The following ZNF362 variants were observed in gnomAD, a reference collection of about 807,000 sequenced individuals.
ZNF362 encodes the protein zinc finger protein 362.
ZNF362 carries 11 observed loss-of-function variants against 42.9 expected under a neutral mutation model. The ratio of observed to expected loss-of-function variants is 0.26; its 90% CI spans 0.16 to 0.42. The LOEUF (loss-of-function observed/expected upper bound fraction) is 0.42. Ranked by LOEUF, ZNF362 falls within the 20% of genes least tolerant of loss-of-function variation. The pLI is 1.00. For missense variants in ZNF362, 362 were observed against 576.2 expected, an observed-to-expected ratio of 0.63 and a Z score of 3.81; for synonymous variants, 255 against 257.3, an observed-to-expected ratio of 0.99 and a Z score of 0.09.
At chr1:33,249,649 C>T in the ZNF362 span, among the ~76,000 whole-genome samples, 1 of 152,070 alleles carries the variant, frequency 6.6e-6, no homozygotes, top group Non-Finnish European at 1.5e-5. Context: ...GACAGAGCAT[C>T]TAGTTTGCGG....
chr1:33,243,073 A>C, the ZNF362 span, among the ~76,000 whole-genome samples: 240 of 152,136 alleles, frequency 1.6e-3, 1 homozygote, highest in Admixed American at 2.5e-3. Flanking sequence ...AAATAATTAT[A>C]TATGCTTTTA....
At chr1:33,241,460 A>G in the ZNF362 span, among the ~76,000 whole-genome samples, 4 of 151,694 alleles carry the variant, frequency 2.6e-5, no homozygotes, top group Non-Finnish European at 5.9e-5. Context: ...CATGCCATTT[A>G]ACTCCAGCCT....
chr1:33,270,737 G>A (rs572269851), intron 2 of ZNF362, 125 bp downstream of exon 2: 1 of 1,500,420 alleles, frequency 6.7e-7, no homozygotes, highest in African/African-American at 1.4e-5. Context: ...TCTGCCCTGG[G>A]GGAGGTGTGT....
the ZNF362 span, among the ~76,000 whole-genome samples, chr1:33,137,939 G>T: frequency 6.6e-6 from 1 of 152,214 alleles, no homozygotes; most frequent in African/African-American, 2.4e-5. Flanking sequence ...TGGCAGCAGA[G>T]CCGAGGAGCT....
chr1:33,172,638 A>G, the ZNF362 span, among the ~76,000 whole-genome samples: 1 of 152,144 alleles, frequency 6.6e-6, no homozygotes, highest in Non-Finnish European at 1.5e-5. Flanking sequence ...GCACACAGTT[A>G]TGCAAATATG....
chr1:33,296,155 ACT>A (rs1267285780), intron 8 of ZNF362, among the ~76,000 whole-genome samples: 1 of 151,998 alleles, frequency 6.6e-6, no homozygotes, highest in East Asian at 2.0e-4. Context: ...TAAAGCAGAG[ACT>A]CTCGGCCCTA....
chr1:33,270,455 T>G, intron 1 of ZNF362, 32 bp from the exon 2 acceptor site: 1 of 641,952 alleles, frequency 1.6e-6, no homozygotes, highest in Non-Finnish European at 2.9e-6. Flanking sequence ...ATTATTATTG[T>G]TATTATTGTT....
upstream of ZNF362, among the ~76,000 whole-genome samples, chr1:33,256,084 A>C (rs1300759147): frequency 2.0e-5 from 3 of 150,298 alleles, no homozygotes; most frequent in East Asian, 2.0e-4. Context: ...CGCGCGGCTC[A>C]GGCGGGCGGA....
the ZNF362 span, among the ~76,000 whole-genome samples, chr1:33,162,511 C>G: frequency 6.6e-6 from 1 of 152,212 alleles, no homozygotes; most frequent in South Asian, 2.1e-4. Flanking sequence ...TGACATCTCC[C>G]TCGGCTCTGC....
chr1:33,176,239 T>C, the ZNF362 span, among the ~76,000 whole-genome samples: 2 of 152,198 alleles, frequency 1.3e-5, no homozygotes, highest in Non-Finnish European at 2.9e-5. Flanking sequence ...TTCTCTCTCT[T>C]TATACAGAAA....
At chr1:33,284,692 T>C (rs1284212815) in intron 6 of ZNF362, among the ~76,000 whole-genome samples, 1 of 152,190 alleles carries the variant, frequency 6.6e-6, no homozygotes. Flanking sequence ...TTTATTCCAG[T>C]TTATTGAATA....
chr1:33,214,827 A>C, the ZNF362 span, among the ~76,000 whole-genome samples: 35 of 152,346 alleles, frequency 2.3e-4, no homozygotes, highest in African/African-American at 8.2e-4. Context: ...AATGGCTTTC[A>C]CTCAAAAGAC....
Position 33,275,999 on chromosome 1 carries a change from C to A in ZNF362, c.39-101C>A, listed in dbSNP as rs1307089284. ...CTGGGGGACCCACGGGGACATGGAT[C>A]CCAGACACTGGCCCTGACTTGAGTG... On this transcript the variant is annotated intron_variant, in intron 2 of 8. Transcript: ENST00000539719. 5.2e-6 allele frequency: 7 copies of A among 1,351,464 alleles called. No individual in the cohort carries two copies. In the Admixed American group the frequency reaches 1.2e-4, roughly 24 times the overall value. The allele number at this position is 1,351,464 out of a possible 1,614,324, so 83.7% of individuals were successfully genotyped here. A position where few individuals can be genotyped will look rare whatever the true frequency, so the allele number is the denominator to read the frequency against.
chr1:33,228,676 T>C, the ZNF362 span, among the ~76,000 whole-genome samples: 1 of 152,092 alleles, frequency 6.6e-6, no homozygotes, highest in Non-Finnish European at 1.5e-5. Context: ...ATCCAATCAC[T>C]CCTCAGTGTG....
At chr1:33,209,283 G>T in the ZNF362 span, among the ~76,000 whole-genome samples, 6 of 152,282 alleles carry the variant, frequency 3.9e-5, no homozygotes, top group African/African-American at 1.4e-4. Context: ...CTTGATCGTG[G>T]TGGATAAGCT....
At chr1:33,186,011 TAAAG>T in the ZNF362 span, among the ~76,000 whole-genome samples, 149 of 152,190 alleles carry the variant, frequency 9.8e-4, no homozygotes, top group African/African-American at 2.6e-3. Context: ...TCAGAAAAAA[TAAAG>T]AAAATTGATC....
chr1:33,286,086 A>G (rs1646030377), intron 6 of ZNF362, among the ~76,000 whole-genome samples: 1 of 152,168 alleles, frequency 6.6e-6, no homozygotes, highest in Non-Finnish European at 1.5e-5. Context: ...ACAAAAAACA[A>G]CAAAAAAAGA....
In ZNF362 at chr1:33,266,452, G is replaced by T. The variant is rs1446484118; in HGVS notation, c.-88-4035G>T. ...TTAGGTGCATGGTATTAATACAAAG[G>T]TGGGGTAGGGAGAAGGCAGGGGACC... On this transcript the variant is annotated intron_variant, in intron 1 of 8. Transcript: ENST00000539719. This position sits in a 1 kb window ranked among gnomAD's most constrained non-coding sequence, Gnocchi z 4.3. Among the ~76,000 whole-genome samples, 3 of 152,216 alleles carry T rather than the reference G, an allele frequency of 2.0e-5. No individual in the cohort carries two copies. Among genetic ancestry groups the T allele is most frequent in the Non-Finnish European group, 2.9e-5 (2 of 68,034 alleles).
chr1:33,253,631 A>G (rs544656216), upstream of ZNF362, among the ~76,000 whole-genome samples: 2 of 152,188 alleles, frequency 1.3e-5, no homozygotes, highest in South Asian at 4.2e-4. Context: ...GCCCCAGCTC[A>G]GCACTCAAGG....
Sources: gnomAD v4.1 joint callset for allele counts (sites outside exome capture counted in the v4.1 genomes callset) on GRCh38, gnomAD v4.1.1 for gene constraint, Gnocchi (gnomAD v3.1) non-coding constraint, MANE v1.5 for transcripts, NCBI Gene and HGNC (gene_info 2026-07-23, HGNC 2026-07-21) for gene names.